The following RPS6KA2 variants were observed in gnomAD, a reference collection of about 807,000 sequenced individuals.
RPS6KA2 encodes the protein ribosomal protein S6 kinase A2, also known as ribosomal protein S6 kinase alpha-2.
A neutral mutation model predicts 91.8 loss-of-function variants in RPS6KA2; 42 were observed. The ratio of observed to expected loss-of-function variants is 0.46; its 90% CI spans 0.36 to 0.59. The LOEUF (loss-of-function observed/expected upper bound fraction) is 0.59. RPS6KA2 is among the 20% of genes least tolerant of loss of function. The pLI is 0.00. For synonymous variants in RPS6KA2, 414 were observed against 393.6 expected (o/e 1.05, Z -0.61); for missense variants, 798 against 978.5 (o/e 0.82, Z 2.46).
At chr6:166,799,045 C>T (rs929511179) in intron 2 of RPS6KA2, among the ~76,000 whole-genome samples, 3 of 152,264 alleles carry the variant, frequency 2.0e-5, no homozygotes, top group South Asian at 2.1e-4. Context: ...ACAAGCACAA[C>T]GTGCTTTTTG....
chr6:166,525,740 C>A (rs11968040), intron 3 of RPS6KA2, among the ~76,000 whole-genome samples: 29,586 of 152,104 alleles, frequency 0.19, 3,050 homozygotes, highest in South Asian at 0.26. Flanking sequence ...GCCGCCTGGG[C>A]TTTCGGGGTT....
intron 2 of RPS6KA2, among the ~76,000 whole-genome samples, chr6:166,812,797 T>C (rs1442540483): frequency 6.6e-6 from 1 of 152,168 alleles, no homozygotes; most frequent in East Asian, 1.9e-4. Context: ...ACATTTTTCA[T>C]CTTTGAGATT....
At chr6:166,615,224 C>G (rs964620340) in intron 1 of RPS6KA2, among the ~76,000 whole-genome samples, 1 of 152,202 alleles carries the variant, frequency 6.6e-6, no homozygotes, top group Non-Finnish European at 1.5e-5. Context: ...GACTGGGAAA[C>G]AAGCATAGAT....
chr6:166,810,304 G>C (rs934738964), intron 2 of RPS6KA2, among the ~76,000 whole-genome samples: 1 of 152,154 alleles, frequency 6.6e-6, no homozygotes, highest in African/African-American at 2.4e-5. Flanking sequence ...GATGATGTGT[G>C]GGTGCGTGGA....
At chr6:166,709,300 T>C (rs551678334) in intron 2 of RPS6KA2, among the ~76,000 whole-genome samples, 1 of 150,808 alleles carries the variant, frequency 6.6e-6, no homozygotes, top group African/African-American at 2.5e-5. Flanking sequence ...AAGTCAGAAA[T>C]AAAGACACAA....
At position 166,757,011 on chromosome 6, in the gene RPS6KA2, G is replaced by A. The variant is rs191904105; in HGVS notation, c.123+101189C>T. The stretch of plus-strand genomic sequence containing the variant: ...GCCCAATGTGAATATACTTAATGCC[G>A]CTGAACTGTGCACTTAAAAATGGTT... On this transcript the variant is annotated intron_variant, in intron 2 of 21. Transcript: ENST00000503859. Among the ~76,000 whole-genome samples, 351 of 152,132 alleles carry A rather than the reference G, an allele frequency of 2.3e-3. 1 individual carries two copies. The highest frequency in any genetic ancestry group is 8.1e-3 in the African/African-American group (337 of 41,496).
intron 1 of RPS6KA2, among the ~76,000 whole-genome samples, chr6:166,588,598 T>C (rs756866844): frequency 6.6e-6 from 1 of 152,200 alleles, no homozygotes; most frequent in Non-Finnish European, 1.5e-5. Context: ...GATTTTGCCA[T>C]CTAATTTGTA....
At chr6:166,783,721 T>A (rs1307151031) in intron 2 of RPS6KA2, among the ~76,000 whole-genome samples, 1 of 151,488 alleles carries the variant, frequency 6.6e-6, no homozygotes, top group African/African-American at 2.4e-5. Flanking sequence ...CACTTATTTG[T>A]AATCACATAC....
At chr6:166,790,678 T>C (rs1779059940) in intron 2 of RPS6KA2, among the ~76,000 whole-genome samples, 1 of 152,206 alleles carries the variant, frequency 6.6e-6, no homozygotes, top group South Asian at 2.1e-4. Flanking sequence ...GCAGAAACTC[T>C]ACAAGCCAGA....
chr6:166,716,429 T>C lies in RPS6KA2; in HGVS notation c.123+141771A>G, dbSNP rs963937415. On this transcript the variant is annotated intron_variant, in intron 2 of 21. Coordinates refer to the RPS6KA2 transcript ENST00000503859. The stretch of plus-strand genomic sequence containing the variant: ...GGCAGCCCCCATCCTGGCCAGGACA[T>C]CATCCCAGCGGGCATCAATTCTTTT... Among the ~76,000 whole-genome samples the C allele has an allele frequency of 3.3e-5, 5 of 152,300 alleles. 1 individual carries two copies. The highest frequency in any genetic ancestry group is 3.9e-4 in the East Asian group (2 of 5,176).
intron 3 of RPS6KA2, among the ~76,000 whole-genome samples, chr6:166,517,455 GTTTT>G (rs71032809): frequency 0.029 from 3,020 of 102,788 alleles, 6 homozygotes; most frequent in Middle Eastern, 0.052. Flanking sequence ...CTTTTGTTTT[GTTTT>G]TTTTTTTTTT....
intron 2 of RPS6KA2, among the ~76,000 whole-genome samples, chr6:166,744,306 G>A (rs11757970): frequency 0.15 from 22,801 of 152,202 alleles, 1,835 homozygotes; most frequent in Middle Eastern, 0.19. Flanking sequence ...CAAAGGCACC[G>A]GCCTCGGCCA....
intron 1 of RPS6KA2, among the ~76,000 whole-genome samples, chr6:166,565,501 A>G (rs111828392): frequency 0.056 from 8,598 of 152,278 alleles, 853 homozygotes; most frequent in African/African-American, 0.2. Context: ...GCCTCTGCCT[A>G]CAGTGCCATC....
intron 1 of RPS6KA2, among the ~76,000 whole-genome samples, chr6:166,587,423 T>TGG (rs1300530806): frequency 1.4e-4 from 21 of 152,202 alleles, no homozygotes; most frequent in Admixed American, 8.5e-4. Flanking sequence ...CACCCGTCCT[T>TGG]GGCCTCAGTT....
chr6:166,685,901 C>T (rs916913380), intron 2 of RPS6KA2, among the ~76,000 whole-genome samples: 2 of 152,262 alleles, frequency 1.3e-5, no homozygotes, highest in Middle Eastern at 3.4e-3. Flanking sequence ...CGAGTGATCC[C>T]GCAGACAATG....
chr6:166,541,068 G>A (rs530916799), intron 1 of RPS6KA2, among the ~76,000 whole-genome samples: 2 of 152,274 alleles, frequency 1.3e-5, no homozygotes, highest in East Asian at 1.9e-4. Context: ...GGACTAGCAC[G>A]CGCATGAGTC....
At chr6:166,586,133 G>C in intron 1 of RPS6KA2, 3 of 1,506,950 alleles carry the variant, frequency 2.0e-6, no homozygotes, top group Non-Finnish European at 2.7e-6. Context: ...AGTAGTAACC[G>C]TAAGGAGGCC....
rs527647853 is a variant in RPS6KA2, at chr6:166,667,153, G to A, written c.124-128369C>T. ...ATTTCCGTTTTGAGAAAGGAACGGA[G>A]TTCTGGAGAAAGATGGTGGTGATGG... On this transcript the variant is annotated intron_variant, in intron 2 of 21. Coordinates refer to the RPS6KA2 transcript ENST00000503859. 2.2e-4 allele frequency among the ~76,000 whole-genome samples: 33 copies of A among 152,342 alleles called. No individual in the cohort carries two copies. The South Asian group carries it at 6.2e-3, about 29-fold the overall frequency.
intron 1 of RPS6KA2, among the ~76,000 whole-genome samples, chr6:166,553,608 C>G (rs1784086842): frequency 1.3e-5 from 2 of 152,044 alleles, no homozygotes; most frequent in South Asian, 4.2e-4. Flanking sequence ...CACTGACCCG[C>G]CCCGCCAGCC....
Sources: gnomAD v4.1 joint callset for allele counts (sites outside exome capture counted in the v4.1 genomes callset) on GRCh38, gnomAD v4.1.1 for gene constraint, MANE v1.5 for transcripts, NCBI Gene and HGNC (gene_info 2026-07-23, HGNC 2026-07-21) for gene names.